The following ZFHX3 variants were observed in gnomAD, a reference collection of about 807,000 sequenced individuals.
ZFHX3 encodes the protein zinc finger homeobox protein 3.
Under a neutral mutation model 279.1 loss-of-function variants are expected in ZFHX3, and 42 were observed. That is an observed-to-expected ratio of 0.15 (90% confidence interval 0.12 to 0.19). ZFHX3 has a LOEUF of 0.19. ZFHX3 is among the 10% of genes least tolerant of loss of function. The probability of loss-of-function intolerance (pLI) is 1.00; values close to 1 mark genes in which losing one functional copy is unlikely to be tolerated. For synonymous variants in ZFHX3, 2,293 were observed against 1,957.8 expected (o/e 1.17, Z -4.52); for missense variants, 4,981 against 4,754.0 (o/e 1.05, Z -1.40).
intron 3 of ZFHX3, among the ~76,000 whole-genome samples, chr16:73,366,598 A>T (rs2016534038): frequency 6.6e-6 from 1 of 151,686 alleles, no homozygotes; most frequent in African/African-American, 2.4e-5. Flanking sequence ...CAAAAAAAAA[A>T]AAAAAAAAGA....
At chr16:73,810,071 C>T (rs1263582876) in intron 1 of ZFHX3, among the ~76,000 whole-genome samples, 1 of 152,176 alleles carries the variant, frequency 6.6e-6, no homozygotes, top group Non-Finnish European at 1.5e-5. Flanking sequence ...AGGATGAAGT[C>T]CTGCCTGTTA....
At chr16:73,637,797 T>C (rs557106141) in intron 2 of ZFHX3, among the ~76,000 whole-genome samples, 2 of 152,078 alleles carry the variant, frequency 1.3e-5, no homozygotes, top group African/African-American at 2.4e-5. Flanking sequence ...GACAAAAATC[T>C]GCAATATATA....
At chr16:73,744,835 C>G (rs911482760) in intron 1 of ZFHX3, among the ~76,000 whole-genome samples, 1 of 152,140 alleles carries the variant, frequency 6.6e-6, no homozygotes, top group African/African-American at 2.4e-5. Context: ...ATATTTGATA[C>G]TGACCCATGA....
Position 73,732,974 on chromosome 16 carries a change from G to T in ZFHX3, c.-1607-52734C>A, listed in dbSNP as rs140691927. 2.2e-3 allele frequency among the ~76,000 whole-genome samples: 334 copies of T among 152,092 alleles called. 2 individuals are homozygous for T. Among genetic ancestry groups the T allele is most frequent in the African/African-American group, 7.5e-3 (313 of 41,484 alleles). On this transcript the variant is annotated intron_variant, in intron 1 of 17. Transcript: ENST00000641206. ...GAAGTCTGTATACTCTTGCTGTTGGGTTTTGTCCTTTAGTGTATGGTGAAG... is the reference window on the plus strand; with the variant it reads ...GAAGTCTGTATACTCTTGCTGTTGGTTTTTGTCCTTTAGTGTATGGTGAAG...
intron 1 of ZFHX3, among the ~76,000 whole-genome samples, chr16:73,019,327 CGT>C (rs3081631): frequency 2.7e-5 from 4 of 148,750 alleles, no homozygotes; most frequent in African/African-American, 5.0e-5. Flanking sequence ...CCAGCGTGTG[CGT>C]GTGTGTGTCT....
At chr16:73,312,471 T>C (rs1466528417) in intron 4 of ZFHX3, among the ~76,000 whole-genome samples, 2 of 152,182 alleles carry the variant, frequency 1.3e-5, no homozygotes, top group African/African-American at 4.8e-5. Flanking sequence ...TCCCGATCAC[T>C]GACTTAATGA....
chr16:72,821,932 T>A (rs1051036850), intron 5 of ZFHX3: 2 of 152,206 alleles, frequency 1.3e-5, no homozygotes, highest in Non-Finnish European at 2.9e-5. Flanking sequence ...TTTTTGTTTT[T>A]ATGGGCTTTC....
intron 3 of ZFHX3, among the ~76,000 whole-genome samples, chr16:73,418,047 C>T (rs941945271): frequency 2.1e-5 from 3 of 143,572 alleles, no homozygotes; most frequent in Non-Finnish European, 4.5e-5. Flanking sequence ...CAAGGAAAGA[C>T]AGTAAGTCAT....
intron 4 of ZFHX3, among the ~76,000 whole-genome samples, chr16:73,281,865 G>A (rs537631009): frequency 6.6e-6 from 1 of 152,258 alleles, no homozygotes; most frequent in East Asian, 1.9e-4. Context: ...ATATAAATAT[G>A]ATCAGGGGTT....
chr16:73,701,853 T>C (rs1431266254), intron 1 of ZFHX3, among the ~76,000 whole-genome samples: 1 of 150,346 alleles, frequency 6.7e-6, no homozygotes, highest in East Asian at 1.9e-4. Flanking sequence ...ATATTGAAAA[T>C]ATTCTGAAGT....
rs116519588 is a variant in ZFHX3, at chr16:72,960,005, G to C, written c.141C>G (p.His47Gln). The change falls in exon 2 of 10, where the codon CAC (histidine) becomes CAG (glutamine). Residue 47 changes from histidine (H) to glutamine (Q), a missense_variant. His to Gln is a conservative substitution (Grantham distance 24). Coordinates refer to ENST00000268489, the MANE Select transcript of ZFHX3 (RefSeq NM_006885.4). ...SSMEQSTGES[H>Q]GPLDSLRAPF... ...GGGCCCTCAGGCTGTCCAAGGGCCC[G>C]TGGCTCTCGCCTGTGGACTGCTCCA... 819 of 1,613,904 alleles carry C rather than the reference G, an allele frequency of 5.1e-4. 3 individuals are homozygous for C. The African/African-American group carries it at 0.01, about 20-fold the overall frequency.
At chr16:73,554,087 C>T (rs2020240493) in intron 2 of ZFHX3, among the ~76,000 whole-genome samples, 1 of 152,154 alleles carries the variant, frequency 6.6e-6, no homozygotes, top group Non-Finnish European at 1.5e-5. Context: ...TTTTCTTCGT[C>T]AATGTGTTTA....
intron 2 of ZFHX3, among the ~76,000 whole-genome samples, chr16:73,566,119 T>A (rs533588872): frequency 6.6e-6 from 1 of 152,278 alleles, no homozygotes; most frequent in Admixed American, 6.5e-5. Flanking sequence ...TGCAGCCTCA[T>A]CTCTCTCCTG....
At chr16:73,222,022 A>G (rs1167219447) in intron 5 of ZFHX3, among the ~76,000 whole-genome samples, 2 of 152,190 alleles carry the variant, frequency 1.3e-5, no homozygotes, top group African/African-American at 4.8e-5. Flanking sequence ...TTTCCCTATT[A>G]TACATAACTC....
chr16:72,874,456 C>T (rs2143981876), intron 4 of ZFHX3, among the ~76,000 whole-genome samples: 1 of 152,128 alleles, frequency 6.6e-6, no homozygotes, highest in South Asian at 2.1e-4. Flanking sequence ...CCCGCCTCGG[C>T]CTCCCAAAGT....
At chr16:73,535,692 G>C (rs1228672067) in intron 2 of ZFHX3, among the ~76,000 whole-genome samples, 2 of 151,198 alleles carry the variant, frequency 1.3e-5, no homozygotes, top group Non-Finnish European at 2.9e-5. Flanking sequence ...ATTTCAGAGG[G>C]TTGGCCCTTG....
intron 2 of ZFHX3, among the ~76,000 whole-genome samples, chr16:73,639,148 C>T (rs2052552474): frequency 6.6e-6 from 1 of 152,174 alleles, no homozygotes; most frequent in African/African-American, 2.4e-5. Context: ...TTCTACTCTT[C>T]TTTCTTCATA....
At chr16:73,364,441 CAG>C (rs1384205004) in intron 3 of ZFHX3, among the ~76,000 whole-genome samples, 1 of 151,650 alleles carries the variant, frequency 6.6e-6, no homozygotes, top group Non-Finnish European at 1.5e-5. Flanking sequence ...AGGAACTAAA[CAG>C]AAGTATTTCC....
At chr16:73,243,663 G>A (rs368989563) in intron 5 of ZFHX3, among the ~76,000 whole-genome samples, 8 of 151,966 alleles carry the variant, frequency 5.3e-5, no homozygotes, top group East Asian at 1.9e-4. Context: ...TGCTTTCATC[G>A]GGGTTTTGCT....
Sources: allele counts gnomAD v4.1 joint callset (sites outside exome capture counted in the v4.1 genomes callset), GRCh38; gene constraint gnomAD v4.1.1; transcripts MANE v1.5; gene names NCBI Gene and HGNC (gene_info 2026-07-23, HGNC 2026-07-21).